ZC3H3: variants seen among roughly 807,000 people sequenced by gnomAD.
ZC3H3 encodes the protein zinc finger CCCH-type containing 3.
A neutral mutation model predicts 77.3 loss-of-function variants in ZC3H3; 36 were observed. That is an observed-to-expected ratio of 0.47 (90% CI 0.36 to 0.61). The LOEUF (loss-of-function observed/expected upper bound fraction) is 0.61, where lower values mean the gene tolerates loss of function less well. Among genes scored for constraint, ZC3H3 ranks in the 20% least tolerant of loss-of-function variants. The pLI, the probability that ZC3H3 is intolerant of heterozygous loss-of-function variation, is 0.00. For synonymous variants in ZC3H3, 626 were observed against 555.2 expected (o/e 1.13, Z -1.79); for missense variants, 1,331 against 1,312.2 (o/e 1.01, Z -0.22).
chr8:143,445,248 G>A lies in ZC3H3; in HGVS notation c.2308-4128C>T, dbSNP rs939813944. ...AATACAAAATTAGCTGGGCATAGTG[G>A]CACATGCCTGTAATCCCAGCTACTC... On this transcript the variant is annotated intron_variant, in intron 9 of 11. Transcript: ENST00000262577. 4.6e-5 allele frequency among the ~76,000 whole-genome samples: 7 copies of A among 152,194 alleles called. No homozygotes were observed. The East Asian group carries it at 1.4e-3, about 29-fold the overall frequency.
Position 143,507,899 on chromosome 8 carries a change from G to A in ZC3H3, c.1562C>T (p.Ala521Val), listed in dbSNP as rs201711751. 243 of 1,582,312 alleles carry A rather than the reference G, an allele frequency of 1.5e-4. 1 individual carries two copies. The highest frequency in any genetic ancestry group is 1.1e-3 in the Admixed American group (65 of 58,278). The change falls in exon 4 of 12, where the codon GCG becomes GTG. Residue 521 changes from alanine to valine, a missense_variant and splice_region_variant. Physicochemically the swap from Ala to Val is moderately conservative, Grantham distance 64. Coordinates refer to ENST00000262577, the MANE Select transcript of ZC3H3 (RefSeq NM_015117.3). ...PSRAHLPTKE[A>V]SSLHAVRTAP... Reference sequence around the variant, plus strand: ...AGTCCGCACGGCATGCAGGCTGGACGCTGTAGAGAAAACCCAGGGCACAGA... The same window carrying A: ...AGTCCGCACGGCATGCAGGCTGGACACTGTAGAGAAAACCCAGGGCACAGA...
At position 143,538,072 on chromosome 8, in the gene ZC3H3, C is replaced by T. The variant is rs771261794; in HGVS notation, c.1295G>A (p.Gly432Glu). 2.5e-6 allele frequency: 4 copies of T among 1,612,986 alleles called. No homozygotes were observed. In the Admixed American group the frequency reaches 6.7e-5, roughly 27 times the overall value. The change falls in exon 2 of 12, where the codon GGG (glycine) becomes GAG (glutamate). Residue 432 changes from glycine to glutamate, a missense_variant. Gly to Glu is a moderately conservative substitution (Grantham distance 98, BLOSUM62 -2). Coordinates refer to ENST00000262577, the MANE Select transcript of ZC3H3 (RefSeq NM_015117.3). ...TTTGTAAGCCGAGAGCGGGGTCTCC[C>T]CAGAGAGGGGCTTCAAGCCACTGTG... Reference protein sequence around the residue: ...VGHSGLKPLSGETPLSAYKVK... With the variant: ...VGHSGLKPLSEETPLSAYKVK...
chr8:143,474,983 C>T (rs974881004), intron 5 of ZC3H3, among the ~76,000 whole-genome samples: 19 of 152,186 alleles, frequency 1.2e-4, no homozygotes, highest in African/African-American at 4.1e-4. Flanking sequence ...TTTCCAAAAG[C>T]GAAACATGGT....
At chr8:143,532,456 AC>A (rs1822647015) in intron 3 of ZC3H3, among the ~76,000 whole-genome samples, 2 of 152,256 alleles carry the variant, frequency 1.3e-5, no homozygotes. Flanking sequence ...TGGAGCTGGA[AC>A]TAAGCTTTTG....
chr8:143,516,568 T>TAC (rs1210430916), intron 3 of ZC3H3, among the ~76,000 whole-genome samples: 2 of 49,494 alleles, frequency 4.0e-5, no homozygotes, highest in African/African-American at 1.8e-4. Flanking sequence ...CACACACACA[T>TAC]ACACACACAC....
At chr8:143,496,341 A>G (rs1214476100) in intron 4 of ZC3H3, among the ~76,000 whole-genome samples, 1 of 152,206 alleles carries the variant, frequency 6.6e-6, no homozygotes. Context: ...CTGCCCCCCA[A>G]GGAGCCGGGG....
At chr8:143,442,388 G>T (rs1819764631) in intron 9 of ZC3H3, among the ~76,000 whole-genome samples, 1 of 142,384 alleles carries the variant, frequency 7.0e-6, no homozygotes, top group African/African-American at 2.6e-5. Flanking sequence ...CAGCAGAGCA[G>T]GCTTCAGGGG....
In ZC3H3 at chr8:143,539,080, T is replaced by A; in HGVS notation, c.287A>T (p.His96Leu). 9 of 1,612,878 alleles carry A rather than the reference T, an allele frequency of 5.6e-6. No homozygotes were observed. Among genetic ancestry groups the A allele is most frequent in the Non-Finnish European group, 7.6e-6 (9 of 1,179,992 alleles). Residue 96 changes from histidine to leucine, a missense_variant, in exon 2 of 12, where the codon CAC (histidine) becomes CTC (leucine). Around this residue, in one of 3 missense-constraint regions of ZC3H3, gnomAD observed 978 missense variants for 915.5 expected, o/e 1.07. Transcript: ENST00000262577. ...AGGAGGCTGGCCCCCCCGGGCCCCG[T>A]GCAACGGCCGCACAGCATGGTCGGC... ...PPADHAVRPL[H>L]GARGGQPPVP...
chr8:143,500,579 T>C (rs73715639), intron 4 of ZC3H3, among the ~76,000 whole-genome samples: 4,245 of 152,336 alleles, frequency 0.028, 178 homozygotes, highest in African/African-American at 0.096. Flanking sequence ...CAAGTGTCTT[T>C]GGCCCACAGT....
rs562003269 is a variant in ZC3H3, at chr8:143,485,410, A to G, written c.1716-9825T>C. The stretch of plus-strand genomic sequence containing the variant: ...CAGTGAGGATGGAGAGTCTGGGAAC[A>G]GCCCATACATCTGCTCACCCGAGTG... On this transcript the variant is annotated intron_variant, in intron 4 of 11. Coordinates refer to ENST00000262577, the MANE Select transcript of ZC3H3 (RefSeq NM_015117.3). Among the ~76,000 whole-genome samples the G allele has an allele frequency of 2.0e-5, 3 of 152,362 alleles. No homozygotes were observed. In the South Asian group the frequency reaches 6.2e-4, roughly 32 times the overall value.
chr8:143,507,655 C>G (rs879917142), intron 4 of ZC3H3, 91 bp downstream of exon 4: 2 of 1,361,862 alleles, frequency 1.5e-6, no homozygotes, highest in African/African-American at 3.0e-5. Flanking sequence ...CTCAGCTCCC[C>G]CTGGCCCTTG....
intron 4 of ZC3H3, among the ~76,000 whole-genome samples, chr8:143,478,710 C>A (rs571665280): frequency 1.5e-4 from 23 of 152,240 alleles, no homozygotes; most frequent in African/African-American, 4.6e-4. Context: ...GTGTTTCACC[C>A]CATTGGCCAA....
chr8:143,455,449 T>C (rs1388663329), intron 9 of ZC3H3, among the ~76,000 whole-genome samples: 2 of 151,590 alleles, frequency 1.3e-5, no homozygotes, highest in African/African-American at 4.9e-5. Context: ...TGGACAGAGG[T>C]TGTGCCACTG....
At position 143,472,769 on chromosome 8, in the gene ZC3H3, C is replaced by T. The variant is rs2004097; in HGVS notation, c.1903+2629G>A. Among the ~76,000 whole-genome samples, 810 of 152,340 alleles carry T rather than the reference C, an allele frequency of 5.3e-3. 11 individuals are homozygous for T. Among genetic ancestry groups the T allele is most frequent in the African/African-American group, 0.018 (757 of 41,584 alleles). Reference sequence around the variant, plus strand: ...GGTGCGGGGAGACGGACCCATGCCACAAGCCCCTCCGTGGGTCCCGCGGGT... The same window carrying T: ...GGTGCGGGGAGACGGACCCATGCCATAAGCCCCTCCGTGGGTCCCGCGGGT... On this transcript the variant is annotated intron_variant, in intron 5 of 11. Transcript: ENST00000262577.
intron 9 of ZC3H3, among the ~76,000 whole-genome samples, chr8:143,448,575 A>G (rs1819915378): frequency 1.3e-5 from 2 of 152,228 alleles, no homozygotes; most frequent in South Asian, 4.1e-4. Context: ...GAGGGCTCCC[A>G]AGTCCTCAGC....
intron 9 of ZC3H3, among the ~76,000 whole-genome samples, chr8:143,451,976 G>A (rs1435084343): frequency 5.3e-5 from 8 of 152,138 alleles, no homozygotes; most frequent in Non-Finnish European, 1.5e-5. Context: ...GGTGCTGGGT[G>A]CCCTTGGGCT....
intron 4 of ZC3H3, 109 bp downstream of exon 4, chr8:143,507,637 G>A (rs1416152043): frequency 1.5e-6 from 2 of 1,302,726 alleles, no homozygotes; most frequent in Non-Finnish European, 2.0e-6. Flanking sequence ...AAGCAGTTCT[G>A]GGATGTGCTC....
rs548014423 is a variant in ZC3H3 at position 143,539,222 on chromosome 8, C to T, written c.145G>A (p.Ala49Thr). The change falls in exon 2 of 12, where the codon GCC (alanine) becomes ACC (threonine). Residue 49 changes from alanine (A) to threonine (T), a missense_variant. By Grantham distance (58) the Ala-to-Thr change is moderately conservative. Around this residue, in one of 3 missense-constraint regions of ZC3H3, gnomAD observed 978 missense variants for 915.5 expected, o/e 1.07. Transcript: ENST00000262577. ...GGACGAGGGTAGCGGGCACTAAAGG[C>T]TCTGCCACTGTGGTAAGTGGGTGGC... ...WQPPTYHSGR[A>T]FSARYPRPSR... 1.3e-4 allele frequency: 209 copies of T among 1,612,914 alleles called. No individual in the cohort carries two copies. Among genetic ancestry groups the T allele is most frequent in the Non-Finnish European group, 1.6e-4 (183 of 1,180,024 alleles).
chr8:143,518,970 C>T (rs115942138), intron 3 of ZC3H3, among the ~76,000 whole-genome samples: 2,701 of 152,320 alleles, frequency 0.018, 79 homozygotes, highest in African/African-American at 0.061. Flanking sequence ...TCCCCAAGCA[C>T]GGGGTGCAGC....
Sources: gnomAD v4.1 joint callset for allele counts (sites outside exome capture counted in the v4.1 genomes callset) on GRCh38, gnomAD v4.1.1 for gene constraint, gnomAD v4.1.1 regional missense constraint, MANE v1.5 for transcripts, NCBI Gene and HGNC (gene_info 2026-07-23, HGNC 2026-07-21) for gene names.